Variants in CDK14 observed in about 807,000 individuals in gnomAD.
CDK14 encodes the protein cyclin-dependent kinase 14.
In CDK14, 34 loss-of-function variants were observed where a neutral mutation model predicts 60.7. The ratio of observed to expected loss-of-function variants is 0.56; its 90% CI spans 0.43 to 0.75. The LOEUF (loss-of-function observed/expected upper bound fraction) is 0.75, where lower values mean the gene tolerates loss of function less well. Among genes scored for constraint, CDK14 ranks in the 30% least tolerant of loss-of-function variants. The probability of loss-of-function intolerance (pLI) is 0.00; values close to 1 mark genes in which losing one functional copy is unlikely to be tolerated. For synonymous variants in CDK14, 197 were observed against 203.7 expected, an observed-to-expected ratio of 0.97 and a Z score of 0.28; for missense variants, 482 against 564.1, an observed-to-expected ratio of 0.85 and a Z score of 1.47.
At chr7:91,036,955 G>T (rs1350114980) in intron 10 of CDK14, among the ~76,000 whole-genome samples, 3 of 152,220 alleles carry the variant, frequency 2.0e-5, no homozygotes, top group Non-Finnish European at 4.4e-5. Flanking sequence ...TGAAGGCGAA[G>T]GTTGTGAACA....
intron 4 of CDK14, among the ~76,000 whole-genome samples, chr7:90,749,225 C>CAGTTCA (rs1479191642): frequency 6.6e-6 from 1 of 151,908 alleles, no homozygotes. Context: ...TTTGGAGCAC[C>CAGTTCA]CGCTTGCCTC....
intron 2 of CDK14, among the ~76,000 whole-genome samples, chr7:90,681,382 T>G (rs561294371): frequency 2.0e-5 from 3 of 152,180 alleles, no homozygotes; most frequent in African/African-American, 7.2e-5. Flanking sequence ...ATTACAGGCT[T>G]GGTGGAGGTG....
intron 5 of CDK14, among the ~76,000 whole-genome samples, chr7:90,841,624 T>C (rs1790292444): frequency 6.7e-6 from 1 of 149,472 alleles, no homozygotes; most frequent in African/African-American, 2.5e-5. Flanking sequence ...ATGAAGTTTC[T>C]GATAATAATG....
chr7:90,715,776 A>G (rs764450035), intron 2 of CDK14, among the ~76,000 whole-genome samples: 1 of 151,512 alleles, frequency 6.6e-6, no homozygotes, highest in Non-Finnish European at 1.5e-5. Flanking sequence ...TTTGTAGAGA[A>G]TAGGTATTCC....
At chr7:91,061,095 A>G (rs2116116807) in intron 11 of CDK14, among the ~76,000 whole-genome samples, 1 of 152,154 alleles carries the variant, frequency 6.6e-6, no homozygotes, top group South Asian at 2.1e-4. Flanking sequence ...GGCTTTGTTC[A>G]TTTCTTTGTA....
intron 13 of CDK14, among the ~76,000 whole-genome samples, chr7:91,116,455 A>T (rs146818497): frequency 6.6e-6 from 1 of 152,286 alleles, no homozygotes; most frequent in East Asian, 1.9e-4. Flanking sequence ...TGAGGTGGGC[A>T]CAGTAGTCTC....
chr7:90,962,623 G>A (rs993784876), intron 9 of CDK14, among the ~76,000 whole-genome samples: 4 of 152,152 alleles, frequency 2.6e-5, no homozygotes, highest in African/African-American at 9.7e-5. Context: ...TAAATTAGCT[G>A]AATGATAATA....
At chr7:91,120,117 G>A (rs889237027) in intron 14 of CDK14, among the ~76,000 whole-genome samples, 2 of 152,130 alleles carry the variant, frequency 1.3e-5, no homozygotes, top group Non-Finnish European at 2.9e-5. Context: ...GACTTTATTT[G>A]TGCTGCTACC....
At chr7:90,652,918 T>A (rs1800674097) in intron 2 of CDK14, among the ~76,000 whole-genome samples, 1 of 152,188 alleles carries the variant, frequency 6.6e-6, no homozygotes, top group South Asian at 2.1e-4. Context: ...TTTGCTTGTT[T>A]GCATGTGTGT....
intron 2 of CDK14, among the ~76,000 whole-genome samples, chr7:90,713,219 T>C (rs1802128001): frequency 6.6e-6 from 1 of 152,118 alleles, no homozygotes; most frequent in South Asian, 2.1e-4. Flanking sequence ...GGGGACCCTT[T>C]TTAGAAAGCC....
At chr7:90,866,233 T>TATAC (rs1554358738) in intron 6 of CDK14, among the ~76,000 whole-genome samples, 5 of 140,292 alleles carry the variant, frequency 3.6e-5, no homozygotes, top group Non-Finnish European at 7.8e-5. Context: ...CACATACACA[T>TATAC]ACACACACAC....
intron 2 of CDK14, among the ~76,000 whole-genome samples, chr7:90,629,980 T>C (rs946434217): frequency 1.3e-5 from 2 of 151,944 alleles, no homozygotes; most frequent in African/African-American, 4.8e-5. Context: ...TGAGCCAAGA[T>C]AGCGGCCAAG....
intron 14 of CDK14, among the ~76,000 whole-genome samples, chr7:91,136,063 T>C (rs946328324): frequency 7.9e-5 from 12 of 152,168 alleles, no homozygotes; most frequent in African/African-American, 2.9e-4. Context: ...GCATGGATCA[T>C]TTTTGCCCCA....
intron 14 of CDK14, among the ~76,000 whole-genome samples, chr7:91,161,662 C>G (rs1009092360): frequency 6.6e-6 from 1 of 152,146 alleles, no homozygotes; most frequent in African/African-American, 2.4e-5. Flanking sequence ...CTTTCCTTTA[C>G]TGTTTCAAAA....
intron 4 of CDK14, among the ~76,000 whole-genome samples, chr7:90,789,092 A>G (rs972941009): frequency 5.3e-5 from 8 of 152,182 alleles, no homozygotes; most frequent in African/African-American, 1.7e-4. Flanking sequence ...ACTTACGGAC[A>G]TATTTTTACA....
At chr7:90,782,801 C>T (rs1286349563) in intron 4 of CDK14, among the ~76,000 whole-genome samples, 7 of 152,098 alleles carry the variant, frequency 4.6e-5, no homozygotes, top group Admixed American at 2.6e-4. Context: ...TCACAGGAAG[C>T]ATTTTTGTCT....
chr7:90,899,999 T>C (rs1792453169), intron 7 of CDK14, among the ~76,000 whole-genome samples: 1 of 152,180 alleles, frequency 6.6e-6, no homozygotes, highest in Non-Finnish European at 1.5e-5. Flanking sequence ...CTCAAATGAC[T>C]ACATTTCATA....
At chr7:91,186,109 TCCCC>T (rs1802170105) in intron 14 of CDK14, among the ~76,000 whole-genome samples, 2 of 83,088 alleles carry the variant, frequency 2.4e-5, no homozygotes, top group Non-Finnish European at 4.9e-5. Context: ...CCTTCTCCCC[TCCCC>T]TCCCCTCTCC....
intron 10 of CDK14, among the ~76,000 whole-genome samples, chr7:91,039,969 C>T (rs980246235): frequency 3.3e-5 from 5 of 152,048 alleles, no homozygotes; most frequent in Non-Finnish European, 1.5e-5. Context: ...TGCCTGTCAT[C>T]CCAGCTACTC....
Sources: gnomAD v4.1 joint callset for allele counts (sites outside exome capture counted in the v4.1 genomes callset) on GRCh38, gnomAD v4.1.1 for gene constraint, MANE v1.5 for transcripts, NCBI Gene and HGNC (gene_info 2026-07-23, HGNC 2026-07-21) for gene names.